ST14: variants seen among roughly 807,000 people sequenced by gnomAD.
ST14 encodes suppressor of tumorigenicity 14 protein.
A neutral mutation model predicts 96.5 loss-of-function variants in ST14; 40 were observed. That is an observed-to-expected ratio of 0.41 (90% CI 0.32 to 0.54). The LOEUF is 0.54. Among genes scored for constraint, ST14 ranks in the 20% least tolerant of loss-of-function variants. The pLI is 0.17. For synonymous variants in ST14, 506 were observed against 492.1 expected, an observed-to-expected ratio of 1.03 and a Z score of -0.37; for missense variants, 1,066 against 1,188.9, an observed-to-expected ratio of 0.90 and a Z score of 1.52.
chr11:130,198,753 G>A (rs969518381), intron 14 of ST14, 132 bp downstream of exon 14: 147 of 1,368,370 alleles, frequency 1.1e-4, no homozygotes, highest in African/African-American at 1.9e-4. Context: ...TGATGAGAAA[G>A]GGCTCTGGTT....
chr11:130,184,258 A>G (rs1191267212), intron 1 of ST14, among the ~76,000 whole-genome samples: 1 of 152,252 alleles, frequency 6.6e-6, no homozygotes, highest in African/African-American at 2.4e-5. Context: ...ACTTTATTTT[A>G]TGCAATAATA....
At chr11:130,194,126 A>G (rs375769757) in intron 7 of ST14, 23 bp from the exon 8 acceptor site, 1 of 1,613,890 alleles carries the variant, frequency 6.2e-7, no homozygotes, top group African/African-American at 1.3e-5. Flanking sequence ...GCTCTTCCTA[A>G]TGCCCGCCCT....
chr11:130,161,970 C>G lies in ST14; in HGVS notation c.81+1910C>G, dbSNP rs75133020. On this transcript the variant is annotated intron_variant, in intron 1 of 18. Transcript: ENST00000278742. ...CCATGTCTTGCAGATTCCTCCCATC[C>G]CTGGCCTCACCAGAAATCCCAGTCC... is the stretch of plus-strand genomic sequence containing the variant. Among the ~76,000 whole-genome samples the G allele has an allele frequency of 6.3e-3, 963 of 152,338 alleles. 16 individuals carry two copies. Among genetic ancestry groups the G allele is most frequent in the African/African-American group, 0.022 (894 of 41,572 alleles).
intron 12 of ST14, 145 bp from the exon 13 acceptor site, chr11:130,198,163 C>A: frequency 1.1e-6 from 1 of 936,754 alleles, no homozygotes; most frequent in Non-Finnish European, 1.8e-6. Context: ...GTGCTGAGGT[C>A]AGCTTGGTAG....
At chr11:130,170,050 A>G (rs1953076594) in intron 1 of ST14, among the ~76,000 whole-genome samples, 3 of 152,170 alleles carry the variant, frequency 2.0e-5, no homozygotes, top group Admixed American at 6.5e-5. Flanking sequence ...AGAGGCAGAG[A>G]TGGAATTTTC....
rs1172439132 is a variant in ST14, at chr11:130,208,397, C to A, written c.1995-13C>A. On this transcript the variant is annotated splice_polypyrimidine_tract_variant and intron_variant, in intron 16 of 18. Coordinates refer to ENST00000278742, the MANE Select transcript of ST14 (RefSeq NM_021978.4). ...GAGTGACCGCGCAGTCTCATAGCGG[C>A]TCTCCCTACCAGGTACTCAGACCCC... The A allele has an allele frequency of 1.2e-6, 2 of 1,613,846 alleles. No homozygotes were observed. The highest frequency in any genetic ancestry group is 1.3e-5 in the African/African-American group (1 of 74,960).
rs370204126 is a variant in ST14 at position 130,198,446 on chromosome 11, C to T, written c.1570+28C>T. 7.9e-5 allele frequency: 120 copies of T among 1,518,794 alleles called. No individual in the cohort carries two copies. In the East Asian group the frequency reaches 1.2e-3, roughly 15 times the overall value. 94.1% of individuals were successfully genotyped at this position (1,518,794 alleles called of 1,614,324 possible). ...GAGTGCTGGGGAGGGGCTGCCTGGG[C>T]GGGCAGGTGGGCGGGGCGACTGACG... On this transcript the variant is annotated intron_variant, in intron 13 of 18. Transcript: ENST00000278742.
chr11:130,192,067 A>G (rs1953309118), intron 7 of ST14, among the ~76,000 whole-genome samples: 1 of 152,224 alleles, frequency 6.6e-6, no homozygotes, highest in Non-Finnish European at 1.5e-5. Flanking sequence ...GGGATACCCC[A>G]CGTCAGGGTG....
intron 1 of ST14, among the ~76,000 whole-genome samples, chr11:130,166,699 A>G (rs1953044455): frequency 6.6e-6 from 1 of 152,114 alleles, no homozygotes; most frequent in Non-Finnish European, 1.5e-5. Flanking sequence ...TGCTCACTGA[A>G]CCACCTCCCT....
At chr11:130,177,312 C>A (rs1953148668) in intron 1 of ST14, among the ~76,000 whole-genome samples, 1 of 151,940 alleles carries the variant, frequency 6.6e-6, no homozygotes, top group South Asian at 2.1e-4. Context: ...CGCCTGTAAT[C>A]CCAGCACTTT....
rs1187062583 is a variant in ST14 at position 130,187,881 on chromosome 11, G to A, written c.82-233G>A. On this transcript the variant is annotated intron_variant, in intron 1 of 18. Transcript: ENST00000278742. The surrounding 1 kb of genome is among the most constrained non-coding windows in gnomAD (Gnocchi z 4.5). ...TGGTGCTGTCCAGACCCTGAGATGC[G>A]TGGTTGGGAAGGCCGACCTCATGTT... Among the ~76,000 whole-genome samples the A allele has an allele frequency of 6.6e-6, 1 of 152,196 alleles. No homozygotes were observed. Among genetic ancestry groups the A allele is most frequent in the Non-Finnish European group, 1.5e-5 (1 of 68,034 alleles).
chr11:130,182,751 G>C (rs892390998), intron 1 of ST14, among the ~76,000 whole-genome samples: 7 of 151,360 alleles, frequency 4.6e-5, no homozygotes, highest in African/African-American at 7.3e-5. Context: ...CCAGGTTCAA[G>C]CAACTCTTGT....
At chr11:130,202,917 A>G (rs915800545) in intron 16 of ST14, among the ~76,000 whole-genome samples, 10 of 152,218 alleles carry the variant, frequency 6.6e-5, no homozygotes, top group Non-Finnish European at 1.3e-4. Context: ...CTACCTGAGC[A>G]CTAGCGATTC....
intron 1 of ST14, among the ~76,000 whole-genome samples, chr11:130,166,963 C>T (rs11221987): frequency 0.031 from 4,703 of 152,272 alleles, 152 homozygotes; most frequent in East Asian, 0.16. Flanking sequence ...GTAATCCCAG[C>T]ACTTTGAGAG....
At chr11:130,206,486 G>A (rs1022279039) in intron 16 of ST14, among the ~76,000 whole-genome samples, 4 of 152,124 alleles carry the variant, frequency 2.6e-5, no homozygotes, top group Non-Finnish European at 5.9e-5. Flanking sequence ...TGGCAGGCGC[G>A]AATGTGGTTC....
chr11:130,192,880 AG>A (rs1402182887), intron 7 of ST14, among the ~76,000 whole-genome samples: 1 of 152,204 alleles, frequency 6.6e-6, no homozygotes, highest in Non-Finnish European at 1.5e-5. Flanking sequence ...GGACACAATC[AG>A]GATGACATGG....
Position 130,199,870 on chromosome 11 carries a change from C to T in ST14, c.1808-81C>T. On this transcript the variant is annotated intron_variant, in intron 15 of 18. Coordinates refer to ENST00000278742, the MANE Select transcript of ST14 (RefSeq NM_021978.4). ...AGCTGGCTTCCCCACACAGGGTCTC[C>T]TGGCACACACTGCATGTCCCCTTGT... 4 of 1,578,404 alleles carry T rather than the reference C, an allele frequency of 2.5e-6. No homozygotes were observed. The South Asian group carries it at 4.5e-5, about 18-fold the overall frequency.
At position 130,188,442 on chromosome 11, in the gene ST14, C is replaced by G; in HGVS notation, c.242-88C>G. 1 of 1,606,714 alleles carries G rather than the reference C, an allele frequency of 6.2e-7. No individual in the cohort carries two copies. Among genetic ancestry groups the G allele is most frequent in the Non-Finnish European group, 8.5e-7 (1 of 1,177,652 alleles). On this transcript the variant is annotated intron_variant, in intron 2 of 18. Transcript: ENST00000278742. The surrounding 1 kb of genome is among the most constrained non-coding windows in gnomAD (Gnocchi z 5.4). ...AGTCAGGGCTGACCCATGGCCCCCT[C>G]CTGGCATTCATTCCCCATTGTGGAC...
chr11:130,161,495 G>A (rs1444550012), intron 1 of ST14, among the ~76,000 whole-genome samples: 4 of 152,298 alleles, frequency 2.6e-5, no homozygotes, highest in African/African-American at 9.6e-5. Flanking sequence ...CACGGGGAAA[G>A]CAGGGTCTTC....
Sources: allele counts gnomAD v4.1 joint callset (sites outside exome capture counted in the v4.1 genomes callset), GRCh38; gene constraint gnomAD v4.1.1; non-coding constraint Gnocchi (gnomAD v3.1); transcripts MANE v1.5; gene names NCBI Gene and HGNC (gene_info 2026-07-23, HGNC 2026-07-21).